Variants in SKA2 observed in about 807,000 individuals in gnomAD.
The protein encoded by SKA2 is spindle and kinetochore associated complex subunit 2.
SKA2 carries 13 observed loss-of-function variants against 16.9 expected under a neutral mutation model. That is an observed-to-expected ratio of 0.77 (90% confidence interval 0.50 to 1.22). The LOEUF is 1.22. Ranked by LOEUF, SKA2 falls within the 50% of genes most tolerant of loss-of-function variation. The probability of loss-of-function intolerance (pLI) is 0.00; values close to 1 mark genes in which losing one functional copy is unlikely to be tolerated. For synonymous variants in SKA2, 47 were observed against 48.5 expected (o/e 0.97, Z 0.13); for missense variants, 107 against 139.7 (o/e 0.77, Z 1.18).
At chr17:59,120,744 A>G (rs1282663924) in intron 2 of SKA2, among the ~76,000 whole-genome samples, 1 of 152,200 alleles carries the variant, frequency 6.6e-6, no homozygotes, top group Non-Finnish European at 1.5e-5. Flanking sequence ...AGGAATGAGA[A>G]TGGCATCCAT....
intron 1 of SKA2, among the ~76,000 whole-genome samples, chr17:59,145,681 T>C (rs1237878640): frequency 2.0e-5 from 3 of 152,154 alleles, no homozygotes; most frequent in Non-Finnish European, 4.4e-5. Context: ...CCTCTGTTAC[T>C]AGCCCGATCT....
At chr17:59,120,075 AT>A (rs2046322426) in intron 2 of SKA2, among the ~76,000 whole-genome samples, 1 of 151,654 alleles carries the variant, frequency 6.6e-6, no homozygotes. Context: ...CGCCCAGCTA[AT>A]TTTTTGTATT....
In SKA2 at chr17:59,132,167, C is replaced by T. The variant is rs12450434; in HGVS notation, c.34-800G>A. Among the ~76,000 whole-genome samples, 125 of 152,038 alleles carry T rather than the reference C, an allele frequency of 8.2e-4. 1 individual carries two copies. In the South Asian group the frequency reaches 9.2e-3, roughly 11 times the overall value. On this transcript the variant is annotated intron_variant, in intron 1 of 3. Transcript: ENST00000330137. ...GGTCAGGAGTTTGAGACCAGCCTGG[C>T]TAACATGGTGAAACCTCATCTCTAC...
intron 2 of SKA2, among the ~76,000 whole-genome samples, chr17:59,128,227 A>AG (rs1415655175): frequency 6.6e-6 from 1 of 151,474 alleles, no homozygotes; most frequent in Non-Finnish European, 1.5e-5. Flanking sequence ...AAAAAAAAAA[A>AG]GAGAGAGAAA....
At chr17:59,122,913 G>A (rs1426771017) in intron 2 of SKA2, among the ~76,000 whole-genome samples, 3 of 150,946 alleles carry the variant, frequency 2.0e-5, no homozygotes, top group Admixed American at 2.0e-4. Flanking sequence ...GTGAACCACT[G>A]CGCCCAACCT....
chr17:59,141,911 G>A (rs1273707631), intron 1 of SKA2, among the ~76,000 whole-genome samples: 1 of 152,062 alleles, frequency 6.6e-6, no homozygotes, highest in African/African-American at 2.4e-5. Context: ...AGGATGCCTG[G>A]TAGGACCTTT....
chr17:59,133,539 T>C (rs939950045), intron 1 of SKA2, among the ~76,000 whole-genome samples: 36 of 152,118 alleles, frequency 2.4e-4, no homozygotes, highest in African/African-American at 8.2e-4. Context: ...CCTGAAGCCT[T>C]AGTGGAAGGG....
intron 1 of SKA2, among the ~76,000 whole-genome samples, chr17:59,133,222 G>A (rs964956556): frequency 1.3e-5 from 2 of 152,116 alleles, no homozygotes; most frequent in Admixed American, 6.6e-5. Context: ...TCAGCCTCCC[G>A]AAGTGCTGGA....
At chr17:59,139,413 A>AG (rs2046471463) in intron 1 of SKA2, among the ~76,000 whole-genome samples, 1 of 151,036 alleles carries the variant, frequency 6.6e-6, no homozygotes, top group South Asian at 2.1e-4. Flanking sequence ...AAAAAAAAAA[A>AG]AAAAAGAAAT....
At chr17:59,152,468 C>T (rs2147824025) in intron 1 of SKA2, among the ~76,000 whole-genome samples, 1 of 152,096 alleles carries the variant, frequency 6.6e-6, no homozygotes, top group South Asian at 2.1e-4. Context: ...TTAAAGACAA[C>T]TGTTTAAAAG....
At chr17:59,117,601 T>C (rs1457417234) in intron 3 of SKA2, among the ~76,000 whole-genome samples, 1 of 151,856 alleles carries the variant, frequency 6.6e-6, no homozygotes, top group East Asian at 1.9e-4. Flanking sequence ...TTCTTTTTTT[T>C]TTTGGTAGAG....
chr17:59,121,618 A>G (rs1246462350), intron 2 of SKA2, among the ~76,000 whole-genome samples: 1 of 149,662 alleles, frequency 6.7e-6, no homozygotes, highest in Non-Finnish European at 1.5e-5. Flanking sequence ...GCACCATTGC[A>G]TTCCAGCCTG....
rs944877307 is a variant in SKA2 at position 59,110,246 on chromosome 17, A to G, written c.*2031T>C. On this transcript the variant is annotated 3_prime_UTR_variant, in exon 4 of 4. Coordinates refer to ENST00000330137, the MANE Select transcript of SKA2 (RefSeq NM_182620.4). Reference sequence around the variant, plus strand: ...AAGGGGGCTGTGGGGAAAAAACAACATTTGGAAGATAACTGAAGGAAATCA... The same window carrying G: ...AAGGGGGCTGTGGGGAAAAAACAACGTTTGGAAGATAACTGAAGGAAATCA... 1.3e-5 allele frequency: 2 copies of G among 152,194 alleles called. No individual in the cohort carries two copies. Among genetic ancestry groups the G allele is most frequent in the African/African-American group, 2.4e-5 (1 of 41,444 alleles). The allele number at this position is 152,194 out of a possible 1,614,324, so 9.4% of individuals were successfully genotyped here.
At chr17:59,148,860 C>G (rs2046555562) in intron 1 of SKA2, among the ~76,000 whole-genome samples, 1 of 140,330 alleles carries the variant, frequency 7.1e-6, no homozygotes, top group Admixed American at 7.1e-5. Flanking sequence ...GATTGTGAGA[C>G]ATTTCACTAA....
At chr17:59,112,434 T>G (rs2046269592) in intron 3 of SKA2, 89 bp from the exon 4 acceptor site, 1 of 959,358 alleles carries the variant, frequency 1.0e-6, no homozygotes, top group Non-Finnish European at 1.6e-6. Flanking sequence ...CACCAATAAA[T>G]GTTTCCCTAA....
At chr17:59,154,708 G>C (rs886890508) in intron 1 of SKA2, among the ~76,000 whole-genome samples, 2 of 152,196 alleles carry the variant, frequency 1.3e-5, no homozygotes, top group African/African-American at 2.4e-5. Flanking sequence ...CCTCGCCCCC[G>C]TCAGTTTATT....
chr17:59,120,831 A>G (rs533538622), intron 2 of SKA2, among the ~76,000 whole-genome samples: 23 of 152,262 alleles, frequency 1.5e-4, no homozygotes, highest in Admixed American at 7.2e-4. Context: ...CCAATCTAGA[A>G]TCCTATATTC....
chr17:59,129,229 G>A (rs2046392814), intron 2 of SKA2: 2 of 152,060 alleles, frequency 1.3e-5, no homozygotes, highest in Admixed American at 1.3e-4. Context: ...TGTGCCTATA[G>A]TTCCAGGCAC....
chr17:59,122,892 G>C (rs944139053), intron 2 of SKA2, among the ~76,000 whole-genome samples: 2 of 151,654 alleles, frequency 1.3e-5, no homozygotes, highest in African/African-American at 4.8e-5. Flanking sequence ...CAAAGCGCTG[G>C]GATTACAGGC....
Sources: allele counts gnomAD v4.1 joint callset (sites outside exome capture counted in the v4.1 genomes callset), GRCh38; gene constraint gnomAD v4.1.1; transcripts MANE v1.5; gene names NCBI Gene and HGNC (gene_info 2026-07-23, HGNC 2026-07-21).